Variants in SEC22A observed in about 807,000 individuals in gnomAD.
SEC22A encodes the protein vesicle-trafficking protein SEC22a.
SEC22A carries 22 observed loss-of-function variants against 35.3 expected under a neutral mutation model. The observed-to-expected ratio is 0.62, with a 90% CI of 0.45 to 0.89. The LOEUF is 0.89. Among genes scored for constraint, SEC22A ranks in the 40% least tolerant of loss-of-function variants. The pLI, the probability that SEC22A is intolerant of heterozygous loss-of-function variation, is 0.00. For missense variants in SEC22A, 354 were observed against 362.5 expected, an observed-to-expected ratio of 0.98 and a Z score of 0.19; for synonymous variants, 119 against 129.5, an observed-to-expected ratio of 0.92 and a Z score of 0.55.
At chr3:123,246,713 GCTTTC>G (rs1310224541) in intron 5 of SEC22A, among the ~76,000 whole-genome samples, 1 of 152,080 alleles carries the variant, frequency 6.6e-6, no homozygotes, top group Non-Finnish European at 1.5e-5. Context: ...AGACTGCACA[GCTTTC>G]CTTTCCCTTA....
intron 5 of SEC22A, among the ~76,000 whole-genome samples, chr3:123,254,370 C>A (rs926659129): frequency 6.6e-6 from 1 of 152,138 alleles, no homozygotes; most frequent in African/African-American, 2.4e-5. Context: ...CAGAGCAATA[C>A]ATTGGTACTC....
intron 4 of SEC22A, chr3:123,243,700 A>G (rs1040089124): frequency 6.6e-6 from 1 of 152,224 alleles, no homozygotes; most frequent in Non-Finnish European, 1.5e-5. Context: ...AAAGCATAGC[A>G]TCTTACACAG....
At chr3:123,211,987 G>A (rs1559750976) in intron 2 of SEC22A, among the ~76,000 whole-genome samples, 2 of 152,112 alleles carry the variant, frequency 1.3e-5, no homozygotes, top group Admixed American at 6.5e-5. Flanking sequence ...AGCCTAGGAG[G>A]TTGAGGCTGC....
At chr3:123,268,958 T>C (rs1938085003) in intron 6 of SEC22A, among the ~76,000 whole-genome samples, 1 of 152,196 alleles carries the variant, frequency 6.6e-6, no homozygotes, top group Non-Finnish European at 1.5e-5. Flanking sequence ...CTCGTGATTA[T>C]ATTAAGGTTA....
At chr3:123,270,121 A>G (rs567087016) in intron 6 of SEC22A, among the ~76,000 whole-genome samples, 2 of 152,200 alleles carry the variant, frequency 1.3e-5, no homozygotes, top group Non-Finnish European at 2.9e-5. Context: ...TGGTTTGATG[A>G]TTATACTATG....
chr3:123,271,176 A>C (rs1473074089), intron 6 of SEC22A, among the ~76,000 whole-genome samples: 1 of 152,176 alleles, frequency 6.6e-6, no homozygotes, highest in East Asian at 1.9e-4. Context: ...GTGAGAATGG[A>C]ACACCCGCAG....
intron 4 of SEC22A, among the ~76,000 whole-genome samples, chr3:123,240,326 GACA>G (rs1576495658): frequency 1.3e-5 from 2 of 152,252 alleles, no homozygotes; most frequent in East Asian, 3.9e-4. Flanking sequence ...CCATCCTCTA[GACA>G]ACGACTGTTT....
chr3:123,210,924 A>G (rs964290247), intron 2 of SEC22A, among the ~76,000 whole-genome samples: 5 of 152,298 alleles, frequency 3.3e-5, no homozygotes, highest in Middle Eastern at 3.4e-3. Flanking sequence ...GTGTATTAAC[A>G]TGCTTATCCT....
At chr3:123,262,869 G>T (rs1937924181) in intron 6 of SEC22A, among the ~76,000 whole-genome samples, 1 of 152,128 alleles carries the variant, frequency 6.6e-6, no homozygotes, top group African/African-American at 2.4e-5. Context: ...TTTATTTTGG[G>T]ATAATTGTAG....
At chr3:123,256,057 C>T (rs1351562051) in intron 5 of SEC22A, among the ~76,000 whole-genome samples, 2 of 151,858 alleles carry the variant, frequency 1.3e-5, no homozygotes, top group Admixed American at 1.3e-4. Flanking sequence ...TTAATCACAC[C>T]AAAGAATTTA....
At chr3:123,251,165 C>T (rs1937609530) in intron 5 of SEC22A, among the ~76,000 whole-genome samples, 1 of 152,180 alleles carries the variant, frequency 6.6e-6, no homozygotes, top group African/African-American at 2.4e-5. Context: ...TGTTAGATTT[C>T]AGTTTCCCTA....
intron 6 of SEC22A, among the ~76,000 whole-genome samples, chr3:123,268,760 A>C (rs1214595647): frequency 6.6e-6 from 1 of 152,014 alleles, no homozygotes; most frequent in East Asian, 1.9e-4. Flanking sequence ...TGTCTCCAAA[A>C]TGTTTTCTGT....
chr3:123,207,167 G>T (rs555109103), intron 1 of SEC22A, among the ~76,000 whole-genome samples: 1 of 152,128 alleles, frequency 6.6e-6, no homozygotes, highest in Non-Finnish European at 1.5e-5. Flanking sequence ...AGGAAAAAGG[G>T]ATAGTGAACT....
intron 4 of SEC22A, among the ~76,000 whole-genome samples, chr3:123,239,654 C>T (rs895513833): frequency 5.9e-5 from 9 of 152,108 alleles, no homozygotes; most frequent in Middle Eastern, 3.4e-3. Flanking sequence ...TCATATCCTT[C>T]GCCCACTTTT....
chr3:123,255,072 T>A (rs1417897776), intron 5 of SEC22A, among the ~76,000 whole-genome samples: 1 of 152,210 alleles, frequency 6.6e-6, no homozygotes, highest in Non-Finnish European at 1.5e-5. Flanking sequence ...AGAAACTCTT[T>A]AGAGTCTTAT....
intron 2 of SEC22A, among the ~76,000 whole-genome samples, chr3:123,219,206 A>G (rs115009070): frequency 1.3e-3 from 196 of 152,278 alleles, no homozygotes; most frequent in Non-Finnish European, 2.0e-3. Context: ...GGGGATCTGA[A>G]ATAAGGCCAG....
rs183515850 is a variant in SEC22A at position 123,253,441 on chromosome 3, C to T, written c.658-6083C>T. Among the ~76,000 whole-genome samples the T allele has an allele frequency of 7.9e-5, 12 of 152,270 alleles. No homozygotes were observed. The East Asian group carries it at 1.2e-3, about 15-fold the overall frequency. ...AAATTATGTCCCTGCTGGCCAGGCA[C>T]GGTGGCTCACGCTTGTAATCCCAGC... is the stretch of plus-strand genomic sequence containing the variant. On this transcript the variant is annotated intron_variant, in intron 5 of 6. Coordinates refer to ENST00000492595, the MANE Select transcript of SEC22A (RefSeq NM_012430.5).
At chr3:123,206,474 A>T (rs1372886426) in intron 1 of SEC22A, among the ~76,000 whole-genome samples, 1 of 152,234 alleles carries the variant, frequency 6.6e-6, no homozygotes, top group African/African-American at 2.4e-5. Context: ...GTACTTCTGG[A>T]AAGACAACAG....
chr3:123,259,917 G>A (rs910686960), intron 6 of SEC22A, among the ~76,000 whole-genome samples: 2 of 151,916 alleles, frequency 1.3e-5, no homozygotes, highest in South Asian at 4.2e-4. Flanking sequence ...CAGATCACTT[G>A]AGGTCAGGAG....
Sources: gnomAD v4.1 joint callset for allele counts (sites outside exome capture counted in the v4.1 genomes callset) on GRCh38, gnomAD v4.1.1 for gene constraint, MANE v1.5 for transcripts, NCBI Gene and HGNC (gene_info 2026-07-23, HGNC 2026-07-21) for gene names.